Variants in NUP98 observed in about 807,000 individuals in gnomAD.
The protein encoded by NUP98 is nucleoporin 98 and 96 precursor, also known as nuclear pore complex protein Nup98-Nup96.
NUP98 carries 26 observed loss-of-function variants against 191.9 expected under a neutral mutation model. That is an observed-to-expected ratio of 0.14 (90% CI 0.10 to 0.19). NUP98 has a LOEUF of 0.19. NUP98 is among the 10% of genes least tolerant of loss of function. NUP98 has a pLI of 1.00. For synonymous variants in NUP98, 808 were observed against 778.4 expected, an observed-to-expected ratio of 1.04 and a Z score of -0.63; for missense variants, 1,941 against 2,178.8, an observed-to-expected ratio of 0.89 and a Z score of 2.17.
Position 3,727,107 on chromosome 11 carries a change from G to T in NUP98, c.1731-1888C>A, listed in dbSNP as rs567647851. On this transcript the variant is annotated intron_variant, in intron 14 of 32. Transcript: ENST00000324932. ...AAACTTTTCTAGAAAATAGAAAGAG[G>T]AAATACTCTCCAGTTTGTTCATGAG... 5.9e-5 allele frequency among the ~76,000 whole-genome samples: 9 copies of T among 152,064 alleles called. No homozygotes were observed. In the East Asian group the frequency reaches 1.7e-3, roughly 29 times the overall value.
intron 31 of NUP98, among the ~76,000 whole-genome samples, chr11:3,677,435 A>G (rs1451763534): frequency 1.1e-3 from 146 of 136,308 alleles, no homozygotes; most frequent in African/African-American, 3.4e-3. Context: ...TTTTGGGAGA[A>G]GGGGGGTCTC....
intron 25 of NUP98, 136 bp downstream of exon 25, chr11:3,698,946 C>A: frequency 1.1e-6 from 1 of 935,518 alleles, no homozygotes; most frequent in South Asian, 1.6e-5. Flanking sequence ...CGGGAACCAG[C>A]AATCTTTCTG....
At chr11:3,785,384 ACTGT>A (rs1255799905) in intron 1 of NUP98, among the ~76,000 whole-genome samples, 1 of 152,106 alleles carries the variant, frequency 6.6e-6, no homozygotes, top group East Asian at 1.9e-4. Flanking sequence ...ATTTACATCA[ACTGT>A]CTGGTTCCTG....
At chr11:3,753,966 TA>T (rs2080865369) in intron 10 of NUP98, among the ~76,000 whole-genome samples, 3 of 150,488 alleles carry the variant, frequency 2.0e-5, no homozygotes, top group Admixed American at 6.6e-5. Context: ...AATAAATAAA[TA>T]AAATAAAATA....
intron 25 of NUP98, among the ~76,000 whole-genome samples, chr11:3,698,445 C>T (rs529855536): frequency 9.9e-4 from 150 of 151,894 alleles, no homozygotes; most frequent in Non-Finnish European, 9.9e-4. Context: ...AGACATAGTT[C>T]GGCTGGGTGC....
chr11:3,744,440 G>C (rs1180035748), intron 12 of NUP98, 69 bp downstream of exon 12: 1 of 1,487,678 alleles, frequency 6.7e-7, no homozygotes, highest in Non-Finnish European at 9.1e-7. Flanking sequence ...ACAGGTGTAG[G>C]ATGGAAAATC....
intron 8 of NUP98, 48 bp from the exon 9 acceptor site, chr11:3,763,087 G>A (rs374414145): frequency 1.9e-5 from 29 of 1,539,698 alleles, no homozygotes; most frequent in East Asian, 9.2e-5. Context: ...AATAGTTTCC[G>A]TAACGAATCT....
intron 11 of NUP98, among the ~76,000 whole-genome samples, chr11:3,748,539 T>A (rs758223807): frequency 6.6e-6 from 1 of 152,118 alleles, no homozygotes; most frequent in African/African-American, 2.4e-5. Context: ...ATAAAACTTG[T>A]GGCCCAGCAC....
chr11:3,795,367 G>T (rs2082492687), intron 1 of NUP98, among the ~76,000 whole-genome samples: 2 of 152,202 alleles, frequency 1.3e-5, no homozygotes, highest in South Asian at 4.1e-4. Context: ...GATTGCTTGA[G>T]CCCAGGAGGT....
chr11:3,683,031 C>T (rs1336284791), intron 30 of NUP98, among the ~76,000 whole-genome samples, 169 bp downstream of exon 30: 2 of 152,186 alleles, frequency 1.3e-5, no homozygotes, highest in South Asian at 2.1e-4. Context: ...GCTCCTCTAG[C>T]GCCTCATCCT....
intron 8 of NUP98, among the ~76,000 whole-genome samples, chr11:3,764,533 C>T (rs1055180172): frequency 1.3e-5 from 2 of 152,156 alleles, no homozygotes; most frequent in Admixed American, 6.5e-5. Context: ...GGGGCTGTAC[C>T]AGCAATGTAT....
Position 3,675,447 on chromosome 11 carries a change from CA to C in NUP98, c.*711del, listed in dbSNP as rs2077778203. The C allele has an allele frequency of 8.8e-6, 2 of 227,502 alleles. No individual in the cohort carries two copies. The highest frequency in any genetic ancestry group is 1.7e-5 in the Non-Finnish European group (2 of 114,494). The allele number at this position is 227,502 out of a possible 1,614,324, so 14.1% of individuals were successfully genotyped here. The stretch of plus-strand genomic sequence containing the variant: ...CAAGACTGAAAACCAGGGACCAAAC[CA>C]AACTCTGGGAGCTTCCCACAGACAT... On this transcript the variant is annotated 3_prime_UTR_variant, in exon 33 of 33. Coordinates refer to ENST00000324932, the MANE Select transcript of NUP98 (RefSeq NM_016320.5).
rs1554904743 is a variant in NUP98 at position 3,784,605 on chromosome 11, A to AAAAC, written c.-28-2461_-28-2460insGTTT. Among the ~76,000 whole-genome samples the AAAAC allele has an allele frequency of 9.9e-5, 14 of 142,022 alleles. 1 individual carries two copies. The highest frequency in any genetic ancestry group is 1.4e-4 in the Admixed American group (2 of 13,998). The allele number at this position is 142,022 out of a possible 152,430, so 93.2% of individuals were successfully genotyped here. On this transcript the variant is annotated intron_variant, in intron 1 of 32. Transcript: ENST00000324932. ...AAAAACAAAAAAAAAACAAAAAAAA[A>AAAAC]CAAAAAACATGGTGCACACCTGTAC...
chr11:3,793,100 G>A (rs953427469), intron 1 of NUP98, among the ~76,000 whole-genome samples: 7 of 152,072 alleles, frequency 4.6e-5, no homozygotes, highest in Admixed American at 2.0e-4. Context: ...GACAGAGCAC[G>A]ACTCCGTCTC....
At chr11:3,688,127 G>A (rs1044513631) in intron 28 of NUP98, among the ~76,000 whole-genome samples, 21 of 151,972 alleles carry the variant, frequency 1.4e-4, no homozygotes, top group African/African-American at 2.7e-4. Flanking sequence ...AAATTTGGCC[G>A]GGCACGGTGG....
In NUP98 at chr11:3,702,678, G is replaced by A. The variant is rs1273548805; in HGVS notation, c.3297C>T (p.Gly1099=). ...LKTVGTRRQL[G]LVPREKSVTY... is the part of the protein sequence containing the mutation. ...TGACAGACTTTTCACGAGGGACTAG[G>A]CCTAGTTGCCTACGTGTACCCACTG... Residue 1099 remains glycine (G), a synonymous_variant, in exon 23 of 33, where the codon GGC becomes GGT. Coordinates refer to ENST00000324932, the MANE Select transcript of NUP98 (RefSeq NM_016320.5). 6.2e-7 allele frequency: 1 copy of A among 1,614,144 alleles called. No individual in the cohort carries two copies. Among genetic ancestry groups the A allele is most frequent in the East Asian group, 2.2e-5 (1 of 44,880 alleles).
intron 12 of NUP98, among the ~76,000 whole-genome samples, chr11:3,742,017 C>T (rs1319935597): frequency 6.6e-6 from 1 of 152,180 alleles, no homozygotes; most frequent in Non-Finnish European, 1.5e-5. Flanking sequence ...GAGAAAAACC[C>T]TATATGCAGG....
intron 1 of NUP98, among the ~76,000 whole-genome samples, chr11:3,796,281 G>T (rs1313780328): frequency 2.0e-5 from 3 of 152,060 alleles, no homozygotes; most frequent in Admixed American, 6.5e-5. Context: ...TACTACAAAC[G>T]GACTCCTACC....
At chr11:3,728,774 A>T (rs1195904614) in intron 14 of NUP98, among the ~76,000 whole-genome samples, 1 of 152,122 alleles carries the variant, frequency 6.6e-6, no homozygotes, top group East Asian at 1.9e-4. Context: ...AAACAATAAG[A>T]ACTGAAGAGT....
Sources: gnomAD v4.1 joint callset for allele counts (sites outside exome capture counted in the v4.1 genomes callset) on GRCh38, gnomAD v4.1.1 for gene constraint, MANE v1.5 for transcripts, NCBI Gene and HGNC (gene_info 2026-07-23, HGNC 2026-07-21) for gene names.